GABBR2: variants seen among roughly 807,000 people sequenced by gnomAD.
The protein encoded by GABBR2 is gamma-aminobutyric acid type B receptor subunit 2.
A neutral mutation model predicts 105.6 loss-of-function variants in GABBR2; 23 were observed. That is an observed-to-expected ratio of 0.22 (90% CI 0.16 to 0.31). The LOEUF (loss-of-function observed/expected upper bound fraction) is 0.31, where lower values mean the gene tolerates loss of function less well. Among genes scored for constraint, GABBR2 ranks in the 10% least tolerant of loss-of-function variants. GABBR2 has a pLI of 1.00. For synonymous variants in GABBR2, 478 were observed against 499.7 expected, an observed-to-expected ratio of 0.96 and a Z score of 0.58; for missense variants, 734 against 1,245.5, an observed-to-expected ratio of 0.59 and a Z score of 6.18.
chr9:98,548,080 T>A lies in GABBR2; in HGVS notation c.460-6037A>T, dbSNP rs1385570035. Among the ~76,000 whole-genome samples, 2 of 121,510 alleles carry A rather than the reference T, an allele frequency of 1.6e-5. 1 individual carries two copies. Among genetic ancestry groups the A allele is most frequent in the East Asian group, 7.1e-4 (2 of 2,818 alleles). The allele number at this position is 121,510 out of a possible 152,430, so 79.7% of individuals were successfully genotyped here. On this transcript the variant is annotated intron_variant, in intron 2 of 18. Transcript: ENST00000259455. ...TTCTTTATCCTACAATAGATCATTT[T>A]CAGAGATGGACTCTTCCTCCACTTC...
intron 7 of GABBR2, among the ~76,000 whole-genome samples, chr9:98,421,559 T>C (rs1389389106): frequency 6.6e-6 from 1 of 152,220 alleles, no homozygotes; most frequent in South Asian, 2.1e-4. Context: ...TAGAAACTTG[T>C]AGTATTTCTT....
chr9:98,315,964 C>T (rs1179847255), intron 13 of GABBR2, among the ~76,000 whole-genome samples: 7 of 152,244 alleles, frequency 4.6e-5, no homozygotes, highest in African/African-American at 1.4e-4. Context: ...GCACTGCACT[C>T]GGCCTGTTCC....
chr9:98,416,901 C>G (rs959270303), intron 7 of GABBR2, among the ~76,000 whole-genome samples: 3 of 152,094 alleles, frequency 2.0e-5, no homozygotes, highest in Non-Finnish European at 4.4e-5. Context: ...GTTTTTCAGA[C>G]TGGACTCCTC....
chr9:98,623,397 C>T (rs1225796746), intron 1 of GABBR2, among the ~76,000 whole-genome samples: 1 of 152,116 alleles, frequency 6.6e-6, no homozygotes, highest in Non-Finnish European at 1.5e-5. Flanking sequence ...CCACTGCACT[C>T]CAGCCTGTGC....
chr9:98,428,249 G>A (rs1825734679), intron 7 of GABBR2, among the ~76,000 whole-genome samples: 1 of 152,146 alleles, frequency 6.6e-6, no homozygotes, highest in Non-Finnish European at 1.5e-5. Context: ...AATGGCAGGA[G>A]TTGCTACCAT....
At chr9:98,349,349 GTTTTTTTTTTTT>G (rs1182072320) in intron 13 of GABBR2, among the ~76,000 whole-genome samples, 33 of 24,232 alleles carry the variant, frequency 1.4e-3, no homozygotes, top group African/African-American at 4.3e-3. Context: ...TTGAAGTTTT[GTTTTTTTTTTTT>G]TTTTTTTTTT....
intron 1 of GABBR2, among the ~76,000 whole-genome samples, chr9:98,654,794 T>A (rs1396939140): frequency 6.6e-6 from 1 of 152,212 alleles, no homozygotes; most frequent in African/African-American, 2.4e-5. Context: ...AAAACCCACA[T>A]ACGGATATTT....
intron 6 of GABBR2, among the ~76,000 whole-genome samples, chr9:98,457,040 G>T (rs1826336173): frequency 6.6e-6 from 1 of 152,002 alleles, no homozygotes; most frequent in Non-Finnish European, 1.5e-5. Flanking sequence ...AATGTGATTT[G>T]TGTCTATTTC....
Position 98,483,937 on chromosome 9 carries a change from G to C in GABBR2, c.733-2940C>G, listed in dbSNP as rs551789795. On this transcript the variant is annotated intron_variant, in intron 4 of 18. Transcript: ENST00000259455. ...AAGTCCCCAGCTCCCAGAACAGGGC[G>C]CTACACATATGTCAACAAATATGTG... Among the ~76,000 whole-genome samples the C allele has an allele frequency of 9.8e-4, 149 of 152,312 alleles. 1 individual carries two copies. The highest frequency in any genetic ancestry group is 4.3e-3 in the Admixed American group (65 of 15,294).
intron 13 of GABBR2, among the ~76,000 whole-genome samples, chr9:98,322,183 C>A (rs754443916): frequency 2.6e-5 from 4 of 152,138 alleles, no homozygotes; most frequent in Non-Finnish European, 4.4e-5. Context: ...ACCCTCTACT[C>A]CTGCCTAGCC....
chr9:98,585,553 A>G (rs542370370), intron 1 of GABBR2, among the ~76,000 whole-genome samples: 4 of 151,580 alleles, frequency 2.6e-5, no homozygotes, highest in African/African-American at 9.7e-5. Flanking sequence ...ATGATGAGTT[A>G]ATGGGTGCAG....
chr9:98,375,420 T>G (rs1831855099), intron 11 of GABBR2: 1 of 152,166 alleles, frequency 6.6e-6, no homozygotes, highest in Non-Finnish European at 1.5e-5. Flanking sequence ...CACACAGAGA[T>G]GACATCTATC....
chr9:98,358,296 G>T (rs888242837), intron 13 of GABBR2, among the ~76,000 whole-genome samples: 5 of 152,186 alleles, frequency 3.3e-5, no homozygotes, highest in Non-Finnish European at 5.9e-5. Flanking sequence ...TTTCCAAGTG[G>T]TTGTGCCAAT....
intron 3 of GABBR2, among the ~76,000 whole-genome samples, chr9:98,536,929 G>A (rs1828192509): frequency 6.6e-6 from 1 of 152,174 alleles, no homozygotes; most frequent in Non-Finnish European, 1.5e-5. Flanking sequence ...CAGGCCTGCT[G>A]AGGGCCACAA....
intron 2 of GABBR2, among the ~76,000 whole-genome samples, chr9:98,557,829 C>T (rs193267400): frequency 6.6e-6 from 1 of 152,118 alleles, no homozygotes; most frequent in Non-Finnish European, 1.5e-5. Flanking sequence ...AGGGAACATA[C>T]TAATTAAGTT....
At chr9:98,701,855 C>T (rs1172277658) in intron 1 of GABBR2, among the ~76,000 whole-genome samples, 3 of 152,234 alleles carry the variant, frequency 2.0e-5, no homozygotes, top group African/African-American at 4.8e-5. Context: ...TTGAGCTGCC[C>T]CACCCATTAG....
intron 13 of GABBR2, among the ~76,000 whole-genome samples, chr9:98,358,490 C>T (rs915726499): frequency 6.6e-6 from 1 of 152,198 alleles, no homozygotes; most frequent in Non-Finnish European, 1.5e-5. Flanking sequence ...GACTGGCGTC[C>T]CTCCTCGGGC....
At chr9:98,610,257 GA>G (rs1829486819) in intron 1 of GABBR2, among the ~76,000 whole-genome samples, 1 of 151,772 alleles carries the variant, frequency 6.6e-6, no homozygotes, top group African/African-American at 2.4e-5. Flanking sequence ...TGCCTATAAA[GA>G]GAGGATGACA....
At chr9:98,451,136 C>T (rs1243826801) in intron 7 of GABBR2, among the ~76,000 whole-genome samples, 2 of 152,050 alleles carry the variant, frequency 1.3e-5, no homozygotes, top group African/African-American at 4.8e-5. Flanking sequence ...TGGAGGTATT[C>T]TAATGGGTGT....
Sources: allele counts gnomAD v4.1 joint callset (sites outside exome capture counted in the v4.1 genomes callset), GRCh38; gene constraint gnomAD v4.1.1; transcripts MANE v1.5; gene names NCBI Gene and HGNC (gene_info 2026-07-23, HGNC 2026-07-21).